FRMD6: variants seen among roughly 807,000 people sequenced by gnomAD.
FRMD6 encodes FERM domain-containing protein 6.
In FRMD6, 37 loss-of-function variants were observed where a neutral mutation model predicts 73.2. The ratio of observed to expected loss-of-function variants is 0.51; its 90% CI spans 0.39 to 0.66. The LOEUF (loss-of-function observed/expected upper bound fraction) is 0.66. FRMD6 is among the 30% of genes least tolerant of loss of function. The pLI, the probability that FRMD6 is intolerant of heterozygous loss-of-function variation, is 0.00. For synonymous variants in FRMD6, 273 were observed against 282.2 expected, an observed-to-expected ratio of 0.97 and a Z score of 0.33; for missense variants, 714 against 780.5, an observed-to-expected ratio of 0.91 and a Z score of 1.02.
At chr14:51,402,699 C>T in the FRMD6 span, among the ~76,000 whole-genome samples, 2 of 148,966 alleles carry the variant, frequency 1.3e-5, no homozygotes, top group African/African-American at 5.0e-5. Flanking sequence ...AGTGCGGTGG[C>T]ATGATCTCGG....
At position 51,596,525 on chromosome 14, in the gene FRMD6, G is replaced by T. The variant is rs137995345; in HGVS notation, c.-147+26115G>T. On this transcript the variant is annotated intron_variant, in intron 2 of 14. Transcript: ENST00000356218. ...GATACTTACATGAAAATTAGAAAAA[G>T]TGTACTCCTTCGTAAGTTTACCCAT... Among the ~76,000 whole-genome samples the T allele has an allele frequency of 3.3e-5, 5 of 152,262 alleles. No individual in the cohort carries two copies. In the East Asian group the frequency reaches 9.6e-4, roughly 29 times the overall value.
chr14:51,551,089 C>A (rs1886799426), intron 1 of FRMD6, among the ~76,000 whole-genome samples: 1 of 152,088 alleles, frequency 6.6e-6, no homozygotes, highest in South Asian at 2.1e-4. Context: ...TAGTTTCTGT[C>A]CATCCCTGAC....
intron 2 of FRMD6, among the ~76,000 whole-genome samples, chr14:51,588,556 G>A (rs929595970): frequency 1.3e-5 from 2 of 152,066 alleles, no homozygotes; most frequent in Non-Finnish European, 2.9e-5. Flanking sequence ...ACAGGAACAC[G>A]ACCCAAACAG....
the FRMD6 span, among the ~76,000 whole-genome samples, chr14:51,456,009 G>A: frequency 6.6e-6 from 1 of 152,190 alleles, no homozygotes; most frequent in Admixed American, 6.5e-5. Context: ...AAGCCTGCAG[G>A]ATCAAAGGAG....
chr14:51,461,030 C>T, the FRMD6 span, among the ~76,000 whole-genome samples: 1 of 152,108 alleles, frequency 6.6e-6, no homozygotes, highest in African/African-American at 2.4e-5. Flanking sequence ...GTCAAATTTG[C>T]TTTTATAGAT....
chr14:51,721,523 T>A (rs907753932), intron 11 of FRMD6, among the ~76,000 whole-genome samples: 5 of 151,886 alleles, frequency 3.3e-5, no homozygotes, highest in Non-Finnish European at 7.4e-5. Context: ...GGCAGGAGAA[T>A]CGCTTGAACC....
At chr14:51,601,262 A>G (rs1158768778) in intron 2 of FRMD6, among the ~76,000 whole-genome samples, 2 of 152,204 alleles carry the variant, frequency 1.3e-5, no homozygotes, top group East Asian at 1.9e-4. Context: ...CCCCTGGGTC[A>G]AAGCTTGTTT....
At chr14:51,523,064 A>G (rs1885036753) in intron 1 of FRMD6, 6 of 152,202 alleles carry the variant, frequency 3.9e-5, no homozygotes. Context: ...AATTAGAACT[A>G]TTATTTTTTA....
At chr14:51,494,674 C>G (rs1459539516) in intron 1 of FRMD6, among the ~76,000 whole-genome samples, 1 of 152,184 alleles carries the variant, frequency 6.6e-6, no homozygotes, top group African/African-American at 2.4e-5. Flanking sequence ...CAGCCTCACC[C>G]CCATGGCTGC....
chr14:51,479,562 T>G, the FRMD6 span, among the ~76,000 whole-genome samples: 1 of 152,216 alleles, frequency 6.6e-6, no homozygotes, highest in Non-Finnish European at 1.5e-5. Context: ...GTGCCTGTGT[T>G]TCTTCATCTG....
upstream of FRMD6, among the ~76,000 whole-genome samples, chr14:51,488,664 A>G (rs1271128258): frequency 6.6e-6 from 1 of 152,224 alleles, no homozygotes; most frequent in Non-Finnish European, 1.5e-5. Flanking sequence ...CACATCTCTC[A>G]TCTTTGACTC....
intron 2 of FRMD6, among the ~76,000 whole-genome samples, chr14:51,630,687 C>T (rs2139977149): frequency 6.6e-6 from 1 of 152,190 alleles, no homozygotes; most frequent in Middle Eastern, 3.4e-3. Flanking sequence ...GTCAAGGCTG[C>T]AGTCAGCCAT....
At chr14:51,634,011 T>C (rs1023834969) in intron 2 of FRMD6, among the ~76,000 whole-genome samples, 5 of 145,278 alleles carry the variant, frequency 3.4e-5, no homozygotes, top group Non-Finnish European at 7.5e-5. Context: ...ATCATGCATG[T>C]AGTTCAGACA....
At chr14:51,507,849 C>G (rs1884061172) in intron 1 of FRMD6, among the ~76,000 whole-genome samples, 1 of 152,204 alleles carries the variant, frequency 6.6e-6, no homozygotes, top group Non-Finnish European at 1.5e-5. Flanking sequence ...GATCATTCCC[C>G]AAACCCACAG....
chr14:51,412,990 A>ATTTTTTTTT, the FRMD6 span, among the ~76,000 whole-genome samples: 34 of 134,148 alleles, frequency 2.5e-4, no homozygotes, highest in African/African-American at 9.0e-4. Context: ...CCATAGTTAA[A>ATTTTTTTTT]TTTTTTTTTT....
chr14:51,725,667 GTAA>G, intron 12 of FRMD6, 109 bp from the exon 13 acceptor site: 1 of 762,868 alleles, frequency 1.3e-6, no homozygotes, highest in Non-Finnish European at 2.2e-6. Flanking sequence ...AAACTTTTTG[GTAA>G]TGGTTAATAT....
At chr14:51,468,549 A>G in the FRMD6 span, among the ~76,000 whole-genome samples, 5 of 152,210 alleles carry the variant, frequency 3.3e-5, no homozygotes, top group African/African-American at 9.6e-5. Context: ...GAACAGTTTT[A>G]CTTCTTTCAT....
the FRMD6 span, among the ~76,000 whole-genome samples, chr14:51,410,819 T>C: frequency 6.6e-6 from 1 of 152,218 alleles, no homozygotes; most frequent in East Asian, 1.9e-4. Flanking sequence ...TTATTAACAT[T>C]TATATCGTGG....
intron 2 of FRMD6, among the ~76,000 whole-genome samples, chr14:51,632,013 C>T (rs1027059352): frequency 2.0e-5 from 3 of 152,198 alleles, no homozygotes; most frequent in African/African-American, 7.2e-5. Context: ...ATAATCTCCA[C>T]ATGTGGAGGG....
Sources: allele counts gnomAD v4.1 joint callset (sites outside exome capture counted in the v4.1 genomes callset), GRCh38; gene constraint gnomAD v4.1.1; transcripts MANE v1.5; gene names NCBI Gene and HGNC (gene_info 2026-07-23, HGNC 2026-07-21).